DNAI4: variants seen among roughly 807,000 people sequenced by gnomAD.
DNAI4 encodes the protein WD repeat domain 78.
A neutral mutation model predicts 105.8 loss-of-function variants in DNAI4; 85 were observed. The ratio of observed to expected loss-of-function variants is 0.80; its 90% CI spans 0.67 to 0.96. DNAI4 has a LOEUF of 0.96. DNAI4 is among the 40% of genes least tolerant of loss of function. The pLI is 0.00. For synonymous variants in DNAI4, 352 were observed against 331.5 expected (o/e 1.06, Z -0.67); for missense variants, 1,014 against 1,005.6 (o/e 1.01, Z -0.11).
At chr1:66,907,369 C>T (rs1232676612) in intron 1 of DNAI4, among the ~76,000 whole-genome samples, 1 of 152,094 alleles carries the variant, frequency 6.6e-6, no homozygotes, top group Non-Finnish European at 1.5e-5. Flanking sequence ...ATCTTTAATC[C>T]ACAATTTATC....
intron 7 of DNAI4, chr1:66,848,292 G>A (rs753116997): frequency 3.1e-5 from 14 of 455,736 alleles, no homozygotes; most frequent in South Asian, 1.2e-4. Context: ...CTGTCATCAC[G>A]TCTCTCTCCC....
At position 66,874,802 on chromosome 1, in the gene DNAI4, G is replaced by C. The variant is rs1016357228; in HGVS notation, c.779C>G (p.Ser260Cys). 1.2e-6 allele frequency: 2 copies of C among 1,609,868 alleles called. No individual in the cohort carries two copies. Among genetic ancestry groups the C allele is most frequent in the Non-Finnish European group, 1.7e-6 (2 of 1,178,902 alleles). The change falls in exon 5 of 17, where the codon TCT becomes TGT. Residue 260 changes from serine to cysteine, a missense_variant. Physicochemically the swap from Ser to Cys is moderately radical, Grantham distance 112. Transcript: ENST00000371026. ...DLPTVMVSVE[S>C]EEAEKVTQRN... is the part of the protein sequence containing the mutation. The stretch of plus-strand genomic sequence containing the variant: ...ATACGTTACTTTCTCAGCTTCTTCA[G>C]ATTCTACAGAGACCATGACTGTGGG...
chr1:66,891,417 G>A, intron 3 of DNAI4, 151 bp from the exon 4 acceptor site: 5 of 550,266 alleles, frequency 9.1e-6, no homozygotes, highest in Non-Finnish European at 1.3e-5. Flanking sequence ...ATAATGAGTT[G>A]GTTTTTAATA....
At chr1:66,848,181 G>T (rs1481107007) in intron 7 of DNAI4, 2 of 456,016 alleles carry the variant, frequency 4.4e-6, no homozygotes, top group African/African-American at 4.0e-5. Flanking sequence ...GGTTTTAAAG[G>T]AGAATTTGTT....
At chr1:66,842,069 G>A (rs948959005) in intron 8 of DNAI4, among the ~76,000 whole-genome samples, 6 of 152,148 alleles carry the variant, frequency 3.9e-5, no homozygotes, top group African/African-American at 1.4e-4. Context: ...ACGTTATATA[G>A]TCGGAATCAC....
intron 16 of DNAI4, among the ~76,000 whole-genome samples, chr1:66,820,873 A>G (rs1349996839): frequency 1.3e-5 from 2 of 152,052 alleles, no homozygotes; most frequent in Non-Finnish European, 2.9e-5. Context: ...TACCTCCTAC[A>G]TGTGACCCAG....
chr1:66,910,306 TA>T (rs1274726544), intron 1 of DNAI4, among the ~76,000 whole-genome samples: 1 of 152,178 alleles, frequency 6.6e-6, no homozygotes, highest in Non-Finnish European at 1.5e-5. Context: ...CCATTCAGAA[TA>T]AAAGCCTAAG....
chr1:66,899,016 A>T (rs1310362708), intron 2 of DNAI4, among the ~76,000 whole-genome samples: 2 of 152,152 alleles, frequency 1.3e-5, no homozygotes, highest in African/African-American at 4.8e-5. Context: ...CCATTGATGG[A>T]CATTTGAGTT....
At chr1:66,914,182 ATCTT>A (rs1190403770) in intron 1 of DNAI4, among the ~76,000 whole-genome samples, 2 of 152,190 alleles carry the variant, frequency 1.3e-5, no homozygotes, top group African/African-American at 4.8e-5. Context: ...AGCAGAATGC[ATCTT>A]TCTAGCATTC....
At chr1:66,861,021 A>G (rs1333303920) in intron 7 of DNAI4, among the ~76,000 whole-genome samples, 1 of 152,166 alleles carries the variant, frequency 6.6e-6, no homozygotes, top group East Asian at 1.9e-4. Context: ...GAACTATGGA[A>G]TATAGGCCAC....
intron 9 of DNAI4, 64 bp downstream of exon 9, chr1:66,840,405 A>G: frequency 1.4e-6 from 2 of 1,464,524 alleles, no homozygotes; most frequent in Admixed American, 1.7e-5. Flanking sequence ...ATTCTTCATT[A>G]TTCGAACTTG....
At chr1:66,900,562 T>C (rs187332748) in intron 2 of DNAI4, among the ~76,000 whole-genome samples, 134 of 152,348 alleles carry the variant, frequency 8.8e-4, no homozygotes, top group Non-Finnish European at 1.7e-3. Flanking sequence ...TTGAATTAGA[T>C]CTTATTTAAT....
chr1:66,898,687 G>A (rs776211897), intron 2 of DNAI4, among the ~76,000 whole-genome samples: 8 of 152,118 alleles, frequency 5.3e-5, no homozygotes, highest in East Asian at 1.9e-4. Context: ...TCTCAGCCTC[G>A]AGAAATGTCA....
chr1:66,856,236 G>A (rs556940914), intron 7 of DNAI4, among the ~76,000 whole-genome samples: 4 of 151,862 alleles, frequency 2.6e-5, no homozygotes, highest in East Asian at 2.0e-4. Flanking sequence ...TTGGGAGGCC[G>A]AGGTGGGCAG....
chr1:66,917,030 C>T (rs1213364511), intron 1 of DNAI4, among the ~76,000 whole-genome samples: 1 of 152,162 alleles, frequency 6.6e-6, no homozygotes, highest in East Asian at 1.9e-4. Context: ...ATTGTCTTTT[C>T]CTGACCTAAT....
intron 3 of DNAI4, among the ~76,000 whole-genome samples, chr1:66,892,348 A>G (rs1315255131): frequency 6.6e-6 from 1 of 152,182 alleles, no homozygotes; most frequent in South Asian, 2.1e-4. Context: ...AGAGATTTGC[A>G]TGGGAGAGGA....
intron 4 of DNAI4, among the ~76,000 whole-genome samples, chr1:66,886,935 C>T (rs1029904192): frequency 1.3e-5 from 2 of 151,898 alleles, no homozygotes; most frequent in African/African-American, 4.8e-5. Context: ...TGGCAAATTT[C>T]CCCCACCCCC....
chr1:66,894,110 G>A (rs181488638), intron 2 of DNAI4, among the ~76,000 whole-genome samples: 3 of 152,262 alleles, frequency 2.0e-5, no homozygotes, highest in Admixed American at 1.3e-4. Flanking sequence ...ATTTTAGAGT[G>A]TACTCCTTTT....
chr1:66,837,798 T>C lies in DNAI4; in HGVS notation c.1495-2A>G. On this transcript the variant is annotated splice_acceptor_variant, in intron 9 of 16. Transcript: ENST00000371026. LOFTEE classifies it high-confidence loss of function. Reference sequence around the variant, plus strand: ...CCCATAGCCAACAGCCAAAAGATCCTGAAAACCAGAAAAATACATTTAAAA... The same window carrying C: ...CCCATAGCCAACAGCCAAAAGATCCCGAAAACCAGAAAAATACATTTAAAA... 1 of 1,596,086 alleles carries C rather than the reference T, an allele frequency of 6.3e-7. No individual in the cohort carries two copies. Among genetic ancestry groups the C allele is most frequent in the Non-Finnish European group, 8.5e-7 (1 of 1,175,114 alleles).
Sources: allele counts gnomAD v4.1 joint callset (sites outside exome capture counted in the v4.1 genomes callset), GRCh38; gene constraint gnomAD v4.1.1; transcripts MANE v1.5; gene names NCBI Gene and HGNC (gene_info 2026-07-23, HGNC 2026-07-21).